HYDIN: variants seen among roughly 807,000 people sequenced by gnomAD.
The protein encoded by HYDIN is HYDIN axonemal central pair apparatus protein, also known as axonemal central pair apparatus protein HYDIN.
In HYDIN, 132 loss-of-function variants were observed where a neutral mutation model predicts 403.9. That is an observed-to-expected ratio of 0.33 (90% confidence interval 0.28 to 0.38). HYDIN has a LOEUF of 0.38. HYDIN is among the 10% of genes least tolerant of loss of function. The pLI is 1.00. For synonymous variants in HYDIN, 1,202 were observed against 1,891.7 expected (o/e 0.64, Z 9.46); for missense variants, 2,827 against 5,009.5 (o/e 0.56, Z 13.15).
rs574808818 is a variant in HYDIN at position 71,163,663 on chromosome 16, G to A, written c.517-933C>T. ...CCAGCCTACTGCAGGATGTGCACCT[G>A]GATGCTCCAACCAAGACCATGCTAG... is the stretch of plus-strand genomic sequence containing the variant. On this transcript the variant is annotated intron_variant, in intron 5 of 85. Transcript: ENST00000393567. Among the ~76,000 whole-genome samples the A allele has an allele frequency of 1.1e-3, 169 of 152,260 alleles. No individual in the cohort carries two copies. In the Middle Eastern group the frequency reaches 0.014, roughly 12 times the overall value.
chr16:70,916,080 A>G (rs1026865203), intron 47 of HYDIN, among the ~76,000 whole-genome samples: 2 of 152,172 alleles, frequency 1.3e-5, no homozygotes, highest in Non-Finnish European at 2.9e-5. Flanking sequence ...CCCAGCTGTG[A>G]AAGCAAGTAT....
intron 40 of HYDIN, among the ~76,000 whole-genome samples, chr16:70,954,560 C>CT (rs1555588994): frequency 6.6e-6 from 1 of 152,094 alleles, no homozygotes; most frequent in African/African-American, 2.4e-5. Flanking sequence ...CCTGTGTTCC[C>CT]TATCTAGGTA....
intron 1 of HYDIN, among the ~76,000 whole-genome samples, chr16:71,211,025 C>T (rs374576963): frequency 2.0e-5 from 3 of 151,908 alleles, no homozygotes; most frequent in East Asian, 1.9e-4. Context: ...ATTACACACA[C>T]ACACAGAGAG....
chr16:71,228,019 C>T (rs542686371), intron 1 of HYDIN, among the ~76,000 whole-genome samples: 1 of 152,018 alleles, frequency 6.6e-6, no homozygotes, highest in African/African-American at 2.4e-5. Context: ...CATCTACAAC[C>T]ATCTCATCTT....
intron 7 of HYDIN, among the ~76,000 whole-genome samples, chr16:71,137,818 G>C (rs924983433): frequency 2.0e-5 from 3 of 151,438 alleles, no homozygotes; most frequent in Non-Finnish European, 2.9e-5. Flanking sequence ...TGATCAGGAG[G>C]GAAAATTCAG....
At chr16:71,206,170 C>A (rs577381364) in intron 1 of HYDIN, among the ~76,000 whole-genome samples, 41 of 152,290 alleles carry the variant, frequency 2.7e-4, no homozygotes, top group Admixed American at 1.6e-3. Context: ...TGGACACAAC[C>A]CTGTGTTTCC....
intron 23 of HYDIN, among the ~76,000 whole-genome samples, chr16:71,015,373 T>C (rs1353800285): frequency 4.0e-5 from 6 of 151,750 alleles, no homozygotes; most frequent in Non-Finnish European, 2.9e-5. Context: ...AGTTCATCCC[T>C]TTAATTATGA....
chr16:70,955,532 G>A lies in HYDIN; in HGVS notation c.6159C>T (p.Ala2053=), dbSNP rs201972648. 1,250 of 1,487,748 alleles carry A rather than the reference G, an allele frequency of 8.4e-4. 4 individuals are homozygous for A. The African/African-American group carries it at 0.015, about 18-fold the overall frequency. The allele number at this position is 1,487,748 out of a possible 1,614,324, so 92.2% of individuals were successfully genotyped here. ...CGTTGTAGTACTTGGCCACGCTAAC[G>A]GCATTGGCTGACTTTCCTATTAAAA... is the stretch of plus-strand genomic sequence containing the variant. ...GTPLSGKSAN[A]VSVAKYYNAA... The change falls in exon 40 of 86, where the codon GCC becomes GCT. Residue 2053 remains alanine, a synonymous_variant. Transcript: ENST00000393567.
intron 41 of HYDIN, among the ~76,000 whole-genome samples, chr16:70,949,570 T>G (rs1324391749): frequency 6.6e-6 from 1 of 152,214 alleles, no homozygotes; most frequent in Non-Finnish European, 1.5e-5. Flanking sequence ...GGCCACATCT[T>G]CATTATGTAA....
chr16:71,040,229 G>A (rs948584638), intron 18 of HYDIN, among the ~76,000 whole-genome samples: 10 of 151,780 alleles, frequency 6.6e-5, no homozygotes, highest in Admixed American at 1.3e-4. Context: ...CACCTCATTC[G>A]CTTGCGTGCT....
chr16:70,993,126 C>T (rs2079413016), intron 23 of HYDIN, among the ~76,000 whole-genome samples: 1 of 152,220 alleles, frequency 6.6e-6, no homozygotes, highest in Admixed American at 6.5e-5. Flanking sequence ...AATTCTCCCT[C>T]CCTTGGAAGC....
chr16:70,966,048 G>C (rs1336837424), intron 36 of HYDIN, among the ~76,000 whole-genome samples: 1 of 152,198 alleles, frequency 6.6e-6, no homozygotes, highest in East Asian at 1.9e-4. Context: ...GGCTGATACA[G>C]GGCACAAAGG....
At chr16:70,892,829 A>G (rs1170537050) in intron 55 of HYDIN, among the ~76,000 whole-genome samples, 2 of 152,222 alleles carry the variant, frequency 1.3e-5, no homozygotes. Context: ...CATCTAAATT[A>G]ATTCTCTCTT....
intron 45 of HYDIN, among the ~76,000 whole-genome samples, chr16:70,926,171 T>C (rs1267293312): frequency 1.4e-5 from 2 of 146,724 alleles, no homozygotes; most frequent in East Asian, 2.0e-4. Flanking sequence ...TGTATGTTTA[T>C]TGCGGCACTA....
intron 80 of HYDIN, among the ~76,000 whole-genome samples, chr16:70,831,416 G>A (rs1413470615): frequency 6.8e-6 from 1 of 147,378 alleles, no homozygotes; most frequent in African/African-American, 2.5e-5. Flanking sequence ...AGCTGAGTTA[G>A]GAGAATTGCT....
intron 50 of HYDIN, among the ~76,000 whole-genome samples, chr16:70,906,909 C>T (rs969021926): frequency 1.3e-5 from 2 of 152,218 alleles, no homozygotes; most frequent in Non-Finnish European, 2.9e-5. Context: ...CATCTCCTTG[C>T]TCCTCCTTTT....
In HYDIN at chr16:70,896,045, C is replaced by G. The variant is rs745922980; in HGVS notation, c.9084G>C (p.Gln3028His). 2.5e-6 allele frequency: 4 copies of G among 1,612,956 alleles called. No individual in the cohort carries two copies. In the Admixed American group the frequency reaches 5.0e-5, roughly 20 times the overall value. Residue 3028 changes from glutamine to histidine, a missense_variant, in exon 54 of 86, where the codon CAG becomes CAC. By Grantham distance (24) the Gln-to-His change is conservative. Coordinates refer to ENST00000393567, the MANE Select transcript of HYDIN (RefSeq NM_001270974.2). The stretch of plus-strand genomic sequence containing the variant: ...CTGCAAAGACCATGATATTTTCAAT[C>G]TGAACAACACCAAGAAGATTTTCTG... The part of the protein sequence containing the change: ...LDAENLLGVV[Q>H]IENIMVFAEA...
intron 5 of HYDIN, among the ~76,000 whole-genome samples, chr16:71,169,878 C>G (rs940857063): frequency 6.6e-6 from 1 of 152,078 alleles, no homozygotes. Flanking sequence ...TATTAATTAG[C>G]TTTATTTAGC....
intron 1 of HYDIN, among the ~76,000 whole-genome samples, chr16:71,227,252 CAAGT>C (rs1286989590): frequency 6.6e-6 from 1 of 151,728 alleles, no homozygotes. Context: ...GATATAATAA[CAAGT>C]AAGCATGTTA....
Sources: allele counts gnomAD v4.1 joint callset (sites outside exome capture counted in the v4.1 genomes callset), GRCh38; gene constraint gnomAD v4.1.1; transcripts MANE v1.5; gene names NCBI Gene and HGNC (gene_info 2026-07-23, HGNC 2026-07-21).